The following NAALADL2 variants were observed in gnomAD, a reference collection of about 807,000 sequenced individuals.
NAALADL2 encodes the protein N-acetylated alpha-linked acidic dipeptidase like 2, also known as inactive N-acetylated-alpha-linked acidic dipeptidase-like protein 2.
A neutral mutation model predicts 87.2 loss-of-function variants in NAALADL2; 76 were observed. That is an observed-to-expected ratio of 0.87 (90% CI 0.72 to 1.05). The LOEUF (loss-of-function observed/expected upper bound fraction) is 1.05, where lower values mean the gene tolerates loss of function less well. Ranked by LOEUF, NAALADL2 falls within the 50% of genes least tolerant of loss-of-function variation. The pLI, the probability that NAALADL2 is intolerant of heterozygous loss-of-function variation, is 0.00. For synonymous variants in NAALADL2, 354 were observed against 331.0 expected (o/e 1.07, Z -0.75); for missense variants, 1,089 against 945.8 (o/e 1.15, Z -1.99).
chr3:174,819,466 CAT>C (rs1251949771), intron 3 of NAALADL2, among the ~76,000 whole-genome samples: 1 of 151,790 alleles, frequency 6.6e-6, no homozygotes, highest in Non-Finnish European at 1.5e-5. Flanking sequence ...TACGATGTAA[CAT>C]AGAGGTATAA....
intron 5 of NAALADL2, among the ~76,000 whole-genome samples, chr3:175,324,611 A>G (rs1760449983): frequency 6.6e-6 from 1 of 152,210 alleles, no homozygotes; most frequent in Non-Finnish European, 1.5e-5. Flanking sequence ...GATAAGACAA[A>G]TTAACACCAG....
At chr3:175,042,207 C>T (rs774603943) in intron 1 of NAALADL2, among the ~76,000 whole-genome samples, 1 of 152,140 alleles carries the variant, frequency 6.6e-6, no homozygotes, top group Non-Finnish European at 1.5e-5. Context: ...CACTTAATAT[C>T]ATGTCCTCCA....
chr3:175,759,427 G>A (rs940811031), intron 13 of NAALADL2, among the ~76,000 whole-genome samples: 1 of 149,792 alleles, frequency 6.7e-6, no homozygotes, highest in Admixed American at 6.7e-5. Context: ...GCACAATCTC[G>A]GCTCACCACT....
intron 2 of NAALADL2, among the ~76,000 whole-genome samples, chr3:175,136,725 A>G (rs1265087736): frequency 6.6e-6 from 1 of 152,150 alleles, no homozygotes; most frequent in East Asian, 1.9e-4. Flanking sequence ...CTACCAATTG[A>G]AGGCTTGATT....
intron 1 of NAALADL2, among the ~76,000 whole-genome samples, chr3:174,458,216 G>A (rs1328758306): frequency 6.6e-6 from 1 of 152,132 alleles, no homozygotes; most frequent in African/African-American, 2.4e-5. Flanking sequence ...GAAAAAGATA[G>A]CATGTGGGAA....
intron 9 of NAALADL2, among the ~76,000 whole-genome samples, chr3:175,520,713 G>A (rs1732535836): frequency 6.6e-6 from 1 of 152,222 alleles, no homozygotes; most frequent in Non-Finnish European, 1.5e-5. Flanking sequence ...CAAGCCTAGA[G>A]TAAGAACTTA....
intron 6 of NAALADL2, among the ~76,000 whole-genome samples, chr3:175,458,188 T>A (rs891564652): frequency 5.3e-5 from 8 of 152,052 alleles, no homozygotes; most frequent in African/African-American, 1.9e-4. Flanking sequence ...GAGTGGAGAA[T>A]AGTGTCTAGA....
At chr3:175,349,213 A>AAAT (rs1313599687) in intron 5 of NAALADL2, among the ~76,000 whole-genome samples, 1 of 151,738 alleles carries the variant, frequency 6.6e-6, no homozygotes. Context: ...CTATTAAAAA[A>AAAT]AAAAAAAAAA....
At chr3:174,667,468 C>T (rs1467264641) in intron 2 of NAALADL2, among the ~76,000 whole-genome samples, 2 of 151,558 alleles carry the variant, frequency 1.3e-5, no homozygotes, top group Non-Finnish European at 2.9e-5. Context: ...TTTGCCTTAT[C>T]TACCACGCAG....
intron 1 of NAALADL2, among the ~76,000 whole-genome samples, chr3:175,070,727 G>GA (rs370829141): frequency 6.6e-6 from 1 of 151,960 alleles, no homozygotes; most frequent in African/African-American, 2.4e-5. Context: ...AAAGCATGGT[G>GA]AATTACTTTG....
chr3:174,778,893 G>A (rs1024381565), intron 3 of NAALADL2, among the ~76,000 whole-genome samples: 1 of 152,154 alleles, frequency 6.6e-6, no homozygotes, highest in Non-Finnish European at 1.5e-5. Flanking sequence ...AGGCATTTGT[G>A]TTGGCTCCAA....
intron 2 of NAALADL2, among the ~76,000 whole-genome samples, chr3:175,154,151 C>T (rs996669933): frequency 2.0e-5 from 3 of 152,128 alleles, no homozygotes; most frequent in Non-Finnish European, 4.4e-5. Flanking sequence ...GTGATTTCAA[C>T]ATGCATATAC....
chr3:174,951,069 A>G (rs1344536000), intron 1 of NAALADL2, among the ~76,000 whole-genome samples: 1 of 152,112 alleles, frequency 6.6e-6, no homozygotes, highest in Non-Finnish European at 1.5e-5. Flanking sequence ...TGTAATAAAG[A>G]AAAATAATTT....
chr3:175,696,367 G>C (rs1737795580), intron 11 of NAALADL2, among the ~76,000 whole-genome samples: 1 of 152,072 alleles, frequency 6.6e-6, no homozygotes, highest in Admixed American at 6.6e-5. Context: ...GTAAACAAAT[G>C]AAACTTCAGG....
At chr3:175,554,219 T>G (rs1714900171) in intron 9 of NAALADL2, among the ~76,000 whole-genome samples, 1 of 152,090 alleles carries the variant, frequency 6.6e-6, no homozygotes, top group Non-Finnish European at 1.5e-5. Flanking sequence ...GAGGCAGCAA[T>G]CGGGAGCCAT....
intron 12 of NAALADL2, among the ~76,000 whole-genome samples, chr3:175,743,530 G>A (rs2150103611): frequency 6.6e-6 from 1 of 152,300 alleles, no homozygotes; most frequent in East Asian, 1.9e-4. Context: ...TGTACATAAA[G>A]GATGTATGTA....
At chr3:175,119,734 GATAT>G (rs1394236476) in intron 2 of NAALADL2, among the ~76,000 whole-genome samples, 3 of 103,876 alleles carry the variant, frequency 2.9e-5, no homozygotes, top group African/African-American at 8.0e-5. Flanking sequence ...AATAAGAATA[GATAT>G]ATACTTATAT....
intron 11 of NAALADL2, among the ~76,000 whole-genome samples, chr3:175,648,639 G>A (rs1415488431): frequency 1.3e-5 from 2 of 151,952 alleles, no homozygotes; most frequent in East Asian, 3.9e-4. Flanking sequence ...GCTTCAACTG[G>A]CTCTTTTAAT....
chr3:175,423,360 C>T (rs191342669), intron 5 of NAALADL2, among the ~76,000 whole-genome samples: 6 of 150,776 alleles, frequency 4.0e-5, no homozygotes, highest in South Asian at 2.1e-4. Context: ...TGGTGTGCTG[C>T]ACCCATTAAC....
Sources: allele counts gnomAD v4.1 joint callset (sites outside exome capture counted in the v4.1 genomes callset), GRCh38; gene constraint gnomAD v4.1.1; transcripts MANE v1.5; gene names NCBI Gene and HGNC (gene_info 2026-07-23, HGNC 2026-07-21).